PCDHGB3: variants seen among roughly 807,000 people sequenced by gnomAD.
The protein encoded by PCDHGB3 is protocadherin gamma-B3.
Under a neutral mutation model 59.2 loss-of-function variants are expected in PCDHGB3, and 40 were observed. The observed-to-expected ratio is 0.68, with a 90% CI of 0.52 to 0.88. The LOEUF is 0.88. Among genes scored for constraint, PCDHGB3 ranks in the 40% least tolerant of loss-of-function variants. The pLI is 0.00. For missense variants in PCDHGB3, 1,309 were observed against 1,187.9 expected, an observed-to-expected ratio of 1.10 and a Z score of -1.50; for synonymous variants, 581 against 503.6, an observed-to-expected ratio of 1.15 and a Z score of -2.06.
chr5:141,409,445 A>G, intron 1 of PCDHGB3: 1 of 1,613,988 alleles, frequency 6.2e-7, no homozygotes, highest in Non-Finnish European at 8.5e-7. Context: ...CCGAGAGCAG[A>G]CACCAGAATA....
chr5:141,419,258 C>G lies in PCDHGB3; in HGVS notation c.2415+46449C>G, dbSNP rs761740232. The G allele has an allele frequency of 2.5e-6, 4 of 1,614,028 alleles. No individual in the cohort carries two copies. The Admixed American group carries it at 6.7e-5, about 27-fold the overall frequency. ...GGTCCACGTGCCAGAAAACAACCAG[C>G]CGGGTGCCTCCATAGCGCAAGTCAG... On this transcript the variant is annotated intron_variant, in intron 1 of 3. Transcript: ENST00000576222.
intron 2 of PCDHGB3, among the ~76,000 whole-genome samples, chr5:141,503,608 AAAAAAAG>A (rs1483073868): frequency 3.3e-5 from 5 of 151,876 alleles, no homozygotes; most frequent in South Asian, 2.1e-4. Context: ...CAAAAAAAAA[AAAAAAAG>A]AAAAAAGAAA....
At chr5:141,456,044 C>T (rs1307913066) in intron 1 of PCDHGB3, among the ~76,000 whole-genome samples, 2 of 151,826 alleles carry the variant, frequency 1.3e-5, no homozygotes, top group African/African-American at 2.4e-5. Context: ...ACTACAGGCG[C>T]CCACCACCAC....
chr5:141,398,841 TC>T (rs1383151737), intron 1 of PCDHGB3: 5 of 1,613,612 alleles, frequency 3.1e-6, no homozygotes, highest in African/African-American at 1.3e-5. Flanking sequence ...CCAATGATAA[TC>T]CCCCGGTATT....
At chr5:141,449,521 G>A (rs1238503983) in intron 1 of PCDHGB3, among the ~76,000 whole-genome samples, 4 of 150,262 alleles carry the variant, frequency 2.7e-5, no homozygotes, top group African/African-American at 9.8e-5. Flanking sequence ...CCTGGGAGGC[G>A]GAGGTTGCAG....
intron 1 of PCDHGB3, chr5:141,492,018 G>A: frequency 1.7e-6 from 1 of 585,594 alleles, no homozygotes; most frequent in Admixed American, 3.7e-5. Flanking sequence ...GGGTGTCGGG[G>A]GTCCCGGGAG....
rs748803155 is a variant in PCDHGB3, at chr5:141,490,087, G to A, written c.2416-4720G>A. On this transcript the variant is annotated intron_variant, in intron 1 of 3. Coordinates refer to ENST00000576222, the MANE Select transcript of PCDHGB3 (RefSeq NM_018924.5). The surrounding 1 kb of genome is among the most constrained non-coding windows in gnomAD (Gnocchi z 5.4). ...CGGCCAACTAGACTATTCTTTTGGA[G>A]ACCACACATCTGAGGCAGTGCGGAA... 2.5e-6 allele frequency: 4 copies of A among 1,614,244 alleles called. No homozygotes were observed. The highest frequency in any genetic ancestry group is 1.3e-5 in the African/African-American group (1 of 75,068).
At chr5:141,407,856 G>A (rs1038275806) in intron 1 of PCDHGB3, among the ~76,000 whole-genome samples, 2 of 152,210 alleles carry the variant, frequency 1.3e-5, no homozygotes, top group African/African-American at 4.8e-5. Context: ...ATGTACACCT[G>A]CATTTTCGAA....
intron 1 of PCDHGB3, among the ~76,000 whole-genome samples, chr5:141,446,621 C>G (rs1284919173): frequency 6.6e-6 from 1 of 152,094 alleles, no homozygotes; most frequent in African/African-American, 2.4e-5. Context: ...GGACTACAGG[C>G]GTGCACCACC....
At chr5:141,469,807 T>C (rs1294838215) in intron 1 of PCDHGB3, among the ~76,000 whole-genome samples, 1 of 152,070 alleles carries the variant, frequency 6.6e-6, no homozygotes, top group African/African-American at 2.4e-5. Context: ...AAAAACATTG[T>C]AGATAGAATG....
chr5:141,385,314 A>T, intron 1 of PCDHGB3: 1 of 1,611,588 alleles, frequency 6.2e-7, no homozygotes. Context: ...AAAACCTGCC[A>T]AGTATTCAGG....
At position 141,431,398 on chromosome 5, in the gene PCDHGB3, G is replaced by A. The variant is rs1052461071; in HGVS notation, c.2415+58589G>A. ...AGGCTGCTCACCACCTGGTCCTTACGGCCTCCGACGGGGGCGACCCGGTGC... is the reference window on the plus strand; with the variant it reads ...AGGCTGCTCACCACCTGGTCCTTACAGCCTCCGACGGGGGCGACCCGGTGC... On this transcript the variant is annotated intron_variant, in intron 1 of 3. Coordinates refer to ENST00000576222, the MANE Select transcript of PCDHGB3 (RefSeq NM_018924.5). This position sits in a 1 kb window ranked among gnomAD's most constrained non-coding sequence, Gnocchi z 4.8. The A allele has an allele frequency of 6.8e-6, 11 of 1,613,768 alleles. No homozygotes were observed. Among genetic ancestry groups the A allele is most frequent in the Non-Finnish European group, 9.3e-6 (11 of 1,180,036 alleles).
chr5:141,427,103 G>A (rs1216465844), intron 1 of PCDHGB3: 3 of 457,888 alleles, frequency 6.6e-6, no homozygotes, highest in Non-Finnish European at 1.3e-5. Flanking sequence ...GTGTCAATGC[G>A]GAGATCACCT....
intron 1 of PCDHGB3, chr5:141,388,093 C>T: frequency 7.3e-7 from 1 of 1,371,560 alleles, no homozygotes; most frequent in South Asian, 1.3e-5. Context: ...CGCGTCAGTT[C>T]GGAGAAGCCT....
intron 1 of PCDHGB3, chr5:141,421,731 C>G (rs73792198): frequency 6.2e-7 from 1 of 1,613,742 alleles, no homozygotes; most frequent in Non-Finnish European, 8.5e-7. Flanking sequence ...TGAACTCCCT[C>G]CAGAGCTACC....
At chr5:141,415,740 GTT>G (rs57426385) in intron 1 of PCDHGB3, 13,277 of 614,848 alleles carry the variant, frequency 0.022, 3 homozygotes, top group South Asian at 0.023. Context: ...GTTTATTAAG[GTT>G]TTTTTTTTTT....
chr5:141,400,728 T>G (rs1293655070), intron 1 of PCDHGB3: 2 of 648,072 alleles, frequency 3.1e-6, no homozygotes, highest in Non-Finnish European at 5.2e-6. Flanking sequence ...ATTTACAAAG[T>G]AGTGAGAGTT....
intron 1 of PCDHGB3, chr5:141,389,813 C>G (rs575968401): frequency 1.3e-5 from 21 of 1,613,846 alleles, no homozygotes; most frequent in South Asian, 2.2e-5. Context: ...TTCTGGTCGC[C>G]GTGCGTGACG....
rs1057374827 is a variant in PCDHGB3, at chr5:141,485,503, C to G, written c.2416-9304C>G. 3.1e-6 allele frequency: 5 copies of G among 1,613,978 alleles called. No homozygotes were observed. Among genetic ancestry groups the G allele is most frequent in the Non-Finnish European group, 4.2e-6 (5 of 1,180,016 alleles). On this transcript the variant is annotated intron_variant, in intron 1 of 3. Coordinates refer to ENST00000576222, the MANE Select transcript of PCDHGB3 (RefSeq NM_018924.5). This position sits in a 1 kb window ranked among gnomAD's most constrained non-coding sequence, Gnocchi z 5.7. ...GCATCGTGCCCCTGGAGTTTGTCACCGAAGGTCCTTTGGAAATGTACCGAG... is the reference window on the plus strand; with the variant it reads ...GCATCGTGCCCCTGGAGTTTGTCACGGAAGGTCCTTTGGAAATGTACCGAG...
Sources: gnomAD v4.1 joint callset for allele counts (sites outside exome capture counted in the v4.1 genomes callset) on GRCh38, gnomAD v4.1.1 for gene constraint, Gnocchi (gnomAD v3.1) non-coding constraint, MANE v1.5 for transcripts, NCBI Gene and HGNC (gene_info 2026-07-23, HGNC 2026-07-21) for gene names.